The following KALRN variants were observed in gnomAD, a reference collection of about 807,000 sequenced individuals.
KALRN encodes the protein kalirin RhoGEF kinase, also known as kalirin.
A neutral mutation model predicts 353.7 loss-of-function variants in KALRN; 70 were observed. That is an observed-to-expected ratio of 0.20 (90% confidence interval 0.16 to 0.24). The LOEUF (loss-of-function observed/expected upper bound fraction) is 0.24. Ranked by LOEUF, KALRN falls within the 10% of genes least tolerant of loss-of-function variation. The pLI is 1.00. For synonymous variants in KALRN, 1,391 were observed against 1,434.8 expected (o/e 0.97, Z 0.69); for missense variants, 2,791 against 3,756.7 (o/e 0.74, Z 6.72).
At chr3:124,567,257 C>T (rs1439288938) in intron 34 of KALRN, among the ~76,000 whole-genome samples, 20 of 152,082 alleles carry the variant, frequency 1.3e-4, no homozygotes, top group Admixed American at 1.3e-3. Flanking sequence ...TCCTCTCTTC[C>T]AAGAGAACAC....
At chr3:124,631,773 A>G (rs1050409709) in intron 34 of KALRN, among the ~76,000 whole-genome samples, 4 of 152,228 alleles carry the variant, frequency 2.6e-5, no homozygotes, top group African/African-American at 9.6e-5. Context: ...TTTTCACTCC[A>G]GGTAAAAGCC....
intron 33 of KALRN, among the ~76,000 whole-genome samples, chr3:124,503,784 T>C (rs2064890326): frequency 6.6e-6 from 1 of 152,238 alleles, no homozygotes; most frequent in South Asian, 2.1e-4. Flanking sequence ...TGAAATTTCT[T>C]CAAATAAATG....
intron 33 of KALRN, chr3:124,519,767 G>T: frequency 1.0e-6 from 1 of 985,390 alleles, no homozygotes; most frequent in South Asian, 4.7e-5. Flanking sequence ...TTTAACACGG[G>T]CATTTGCATG....
intron 1 of KALRN, among the ~76,000 whole-genome samples, chr3:124,219,853 A>G (rs1255513752): frequency 1.3e-5 from 2 of 150,878 alleles, no homozygotes; most frequent in African/African-American, 4.9e-5. Flanking sequence ...TTGGTTGCTG[A>G]CATAAAGCTG....
intron 1 of KALRN, among the ~76,000 whole-genome samples, chr3:124,185,785 G>A (rs1273191221): frequency 6.6e-6 from 1 of 152,194 alleles, no homozygotes; most frequent in Non-Finnish European, 1.5e-5. Flanking sequence ...GGTAGACCAA[G>A]GCCACTCAAG....
intron 10 of KALRN, among the ~76,000 whole-genome samples, chr3:124,354,154 T>G (rs2083130690): frequency 6.6e-6 from 1 of 152,204 alleles, no homozygotes. Flanking sequence ...GTCACCCACA[T>G]TTGCTGCTTC....
At chr3:124,584,074 G>A (rs2074877524) in intron 34 of KALRN, among the ~76,000 whole-genome samples, 1 of 151,836 alleles carries the variant, frequency 6.6e-6, no homozygotes, top group African/African-American at 2.4e-5. Context: ...TTTTTTAAAT[G>A]GGGAAACTGA....
At chr3:124,718,375 C>A (rs1266769210) in intron 59 of KALRN, among the ~76,000 whole-genome samples, 3 of 152,176 alleles carry the variant, frequency 2.0e-5, no homozygotes, top group Non-Finnish European at 4.4e-5. Flanking sequence ...CCCGCCTTGG[C>A]CACCCAAAGT....
At chr3:124,303,254 G>C (rs768744488) in intron 6 of KALRN, among the ~76,000 whole-genome samples, 1 of 152,034 alleles carries the variant, frequency 6.6e-6, no homozygotes, top group Non-Finnish European at 1.5e-5. Flanking sequence ...ATGTGTTTTT[G>C]AATTTCCCAC....
At chr3:124,489,844 A>G (rs1210006495) in intron 29 of KALRN, among the ~76,000 whole-genome samples, 1 of 152,258 alleles carries the variant, frequency 6.6e-6, no homozygotes, top group African/African-American at 2.4e-5. Context: ...TGTTTTCACA[A>G]GCTCTCCAGG....
chr3:124,402,969 T>C (rs2091056631), intron 13 of KALRN, among the ~76,000 whole-genome samples: 9 of 152,238 alleles, frequency 5.9e-5, no homozygotes, highest in Admixed American at 5.9e-4. Flanking sequence ...AGGAAACTCG[T>C]TAAACCACGT....
chr3:124,178,011 A>G (rs1298660683), intron 1 of KALRN, among the ~76,000 whole-genome samples: 4 of 152,106 alleles, frequency 2.6e-5, no homozygotes, highest in African/African-American at 7.2e-5. Context: ...AAGGGCAGAA[A>G]CCCGGGTTCT....
intron 21 of KALRN, among the ~76,000 whole-genome samples, chr3:124,452,121 C>T (rs539086537): frequency 6.6e-6 from 1 of 152,338 alleles, no homozygotes; most frequent in Admixed American, 6.5e-5. Context: ...AGGCATTTGG[C>T]AGGTCATGTG....
intron 1 of KALRN, among the ~76,000 whole-genome samples, chr3:124,151,492 C>G (rs1169321028): frequency 6.6e-6 from 1 of 152,158 alleles, no homozygotes; most frequent in Non-Finnish European, 1.5e-5. Flanking sequence ...TGGATATCCT[C>G]TTTTGTAAGG....
intron 33 of KALRN, among the ~76,000 whole-genome samples, chr3:124,502,486 A>G (rs967157444): frequency 6.6e-6 from 1 of 152,222 alleles, no homozygotes; most frequent in African/African-American, 2.4e-5. Context: ...TGTCTCCTGC[A>G]GGGAGGAAAT....
intron 1 of KALRN, among the ~76,000 whole-genome samples, chr3:124,184,828 T>C (rs2074020597): frequency 6.6e-6 from 1 of 152,154 alleles, no homozygotes; most frequent in Non-Finnish European, 1.5e-5. Flanking sequence ...ATTAAAAAAA[T>C]GAACAAATAG....
intron 1 of KALRN, among the ~76,000 whole-genome samples, chr3:124,054,516 C>T: frequency 6.6e-6 from 1 of 152,090 alleles, no homozygotes; most frequent in Non-Finnish European, 1.5e-5. Flanking sequence ...CTGACACTTC[C>T]CTGAAGCTAT....
chr3:124,345,435 G>GT (rs1401637428), intron 9 of KALRN, among the ~76,000 whole-genome samples: 1 of 151,986 alleles, frequency 6.6e-6, no homozygotes, highest in Non-Finnish European at 1.5e-5. Flanking sequence ...AAGTTTCACC[G>GT]TAAGTAATTC....
chr3:124,510,711 T>C (rs1001778709), intron 33 of KALRN, among the ~76,000 whole-genome samples: 1 of 152,174 alleles, frequency 6.6e-6, no homozygotes, highest in African/African-American at 2.4e-5. Flanking sequence ...TTTCTCATAT[T>C]GTCAAACACC....
Sources: gnomAD v4.1 joint callset for allele counts (sites outside exome capture counted in the v4.1 genomes callset) on GRCh38, gnomAD v4.1.1 for gene constraint, MANE v1.5 for transcripts, NCBI Gene and HGNC (gene_info 2026-07-23, HGNC 2026-07-21) for gene names.